The following RALGAPA2 variants were observed in gnomAD, a reference collection of about 807,000 sequenced individuals.
RALGAPA2 encodes ral GTPase-activating protein subunit alpha-2.
In RALGAPA2, 139 loss-of-function variants were observed where a neutral mutation model predicts 230.4. The observed-to-expected ratio is 0.60, with a 90% CI of 0.53 to 0.69. The LOEUF is 0.69. Ranked by LOEUF, RALGAPA2 falls within the 30% of genes least tolerant of loss-of-function variation. The pLI, the probability that RALGAPA2 is intolerant of heterozygous loss-of-function variation, is 0.00. For synonymous variants in RALGAPA2, 847 were observed against 837.8 expected (o/e 1.01, Z -0.19); for missense variants, 2,163 against 2,276.0 (o/e 0.95, Z 1.01).
Position 20,521,065 on chromosome 20 carries a change from G to A in RALGAPA2, c.3936C>T (p.Tyr1312=). The A allele has an allele frequency of 1.2e-6, 2 of 1,613,506 alleles. No homozygotes were observed. Among genetic ancestry groups the A allele is most frequent in the Non-Finnish European group, 1.7e-6 (2 of 1,179,548 alleles). ...LHCCVCGSST[Y]TQQSHYILTL... ...TCAGTATGTAGTGACTCTGTTGGGT[G>A]TACGTGCTTGAGCCACACACACAGC... The change falls in exon 31 of 40, where the codon TAC becomes TAT. Residue 1312 remains tyrosine, a synonymous_variant. Coordinates refer to ENST00000202677, the MANE Select transcript of RALGAPA2 (RefSeq NM_020343.4).
rs146347243 is a variant in RALGAPA2, at chr20:20,455,651, G to A, written c.5495+17178C>T. 1.8e-3 allele frequency among the ~76,000 whole-genome samples: 271 copies of A among 152,266 alleles called. 1 individual carries two copies. The highest frequency in any genetic ancestry group is 6.2e-3 in the African/African-American group (257 of 41,548). On this transcript the variant is annotated intron_variant, in intron 37 of 39. Coordinates refer to ENST00000202677, the MANE Select transcript of RALGAPA2 (RefSeq NM_020343.4). Reference sequence around the variant, plus strand: ...ACATCTTTAAGAATGTTCCTCCAGCGGCTGAGAGGTTCACCAGAGCCATCA... The same window carrying A: ...ACATCTTTAAGAATGTTCCTCCAGCAGCTGAGAGGTTCACCAGAGCCATCA...
rs543297561 is a variant in RALGAPA2, at chr20:20,708,686, C to T, written c.106+3689G>A. Among the ~76,000 whole-genome samples, 4 of 151,902 alleles carry T rather than the reference C, an allele frequency of 2.6e-5. No individual in the cohort carries two copies. In the South Asian group the frequency reaches 8.3e-4, roughly 32 times the overall value. Reference sequence around the variant, plus strand: ...AGAGTGAGAACAGACTACTACAAATCTCCTTAAAGATGCCCCTATTTTTAT... The same window carrying T: ...AGAGTGAGAACAGACTACTACAAATTTCCTTAAAGATGCCCCTATTTTTAT... On this transcript the variant is annotated intron_variant, in intron 1 of 39. Coordinates refer to ENST00000202677, the MANE Select transcript of RALGAPA2 (RefSeq NM_020343.4).
At chr20:20,621,491 T>C (rs1272089197) in intron 10 of RALGAPA2, among the ~76,000 whole-genome samples, 1 of 151,964 alleles carries the variant, frequency 6.6e-6, no homozygotes, top group Non-Finnish European at 1.5e-5. Flanking sequence ...TTTGCTTTTG[T>C]CCTTCTTCCT....
chr20:20,448,393 T>C (rs2060912788), intron 37 of RALGAPA2, among the ~76,000 whole-genome samples: 1 of 152,230 alleles, frequency 6.6e-6, no homozygotes, highest in South Asian at 2.1e-4. Flanking sequence ...AGTTAATAGA[T>C]GTGTTAAGTA....
intron 1 of RALGAPA2, among the ~76,000 whole-genome samples, chr20:20,711,381 A>G (rs2147062416): frequency 6.6e-6 from 1 of 152,360 alleles, no homozygotes; most frequent in South Asian, 2.1e-4. Flanking sequence ...AAGAAACATA[A>G]GGTGTTCTTT....
chr20:20,417,053 T>C (rs1481241613), intron 37 of RALGAPA2, among the ~76,000 whole-genome samples: 1 of 152,202 alleles, frequency 6.6e-6, no homozygotes, highest in Non-Finnish European at 1.5e-5. Flanking sequence ...CCCATGGCAG[T>C]GATCTGCAGA....
At chr20:20,609,767 A>G (rs774377677) in intron 14 of RALGAPA2, among the ~76,000 whole-genome samples, 16 of 152,234 alleles carry the variant, frequency 1.1e-4, no homozygotes, top group African/African-American at 2.2e-4. Flanking sequence ...CTGAGAAAGC[A>G]AAGTGTGCAG....
At chr20:20,636,607 G>A (rs989660390) in intron 8 of RALGAPA2, among the ~76,000 whole-genome samples, 16 of 151,914 alleles carry the variant, frequency 1.1e-4, no homozygotes, top group Non-Finnish European at 1.5e-4. Context: ...AACACACAGA[G>A]TACAGACAAC....
At chr20:20,535,691 C>G in intron 26 of RALGAPA2, 54 bp downstream of exon 26, 1 of 1,523,628 alleles carries the variant, frequency 6.6e-7, no homozygotes. Flanking sequence ...ACTACTTACA[C>G]ATAAATGTGT....
At position 20,712,587 on chromosome 20, in the gene RALGAPA2, C is replaced by A. The variant is rs1249468855; in HGVS notation, c.-107G>T. 90 of 1,242,738 alleles carry A rather than the reference C, an allele frequency of 7.2e-5. No individual in the cohort carries two copies. Among genetic ancestry groups the A allele is most frequent in the East Asian group, 2.4e-4 (7 of 28,762 alleles). 77.0% of individuals were successfully genotyped at this position (1,242,738 alleles called of 1,614,324 possible). ...CGCGTGTCGCGCGGGCCACTCGCCG[C>A]CCCCAGCCCCGCTGCTGCCGCCGCC... On this transcript the variant is annotated 5_prime_UTR_variant, in exon 1 of 40. Coordinates refer to ENST00000202677, the MANE Select transcript of RALGAPA2 (RefSeq NM_020343.4). The surrounding 1 kb of genome is among the most constrained non-coding windows in gnomAD (Gnocchi z 5.5).
chr20:20,481,455 A>C (rs2123470332), intron 36 of RALGAPA2, among the ~76,000 whole-genome samples: 1 of 152,292 alleles, frequency 6.6e-6, no homozygotes, highest in East Asian at 1.9e-4. Flanking sequence ...ATGACAAATG[A>C]AGAATGTGCG....
intron 30 of RALGAPA2, among the ~76,000 whole-genome samples, chr20:20,524,139 G>C (rs558884958): frequency 8.5e-4 from 130 of 152,222 alleles, no homozygotes; most frequent in African/African-American, 3.1e-3. Context: ...TGTACTTTTA[G>C]TAGAGATGGG....
chr20:20,434,903 T>A (rs2060576999), intron 37 of RALGAPA2, among the ~76,000 whole-genome samples: 2 of 152,208 alleles, frequency 1.3e-5, no homozygotes, highest in African/African-American at 4.8e-5. Flanking sequence ...ACCACTGCAC[T>A]CTAGCGTGGG....
intron 37 of RALGAPA2, among the ~76,000 whole-genome samples, chr20:20,452,885 G>A (rs2061020492): frequency 6.6e-6 from 1 of 152,200 alleles, no homozygotes; most frequent in East Asian, 1.9e-4. Context: ...GGTCCTGATG[G>A]AGAGGTGTTG....
At chr20:20,425,559 A>G (rs1328534615) in intron 37 of RALGAPA2, among the ~76,000 whole-genome samples, 1 of 152,244 alleles carries the variant, frequency 6.6e-6, no homozygotes, top group Admixed American at 6.5e-5. Context: ...TCAGATGTCA[A>G]GAAGAAACTC....
rs116739617 is a variant in RALGAPA2, at chr20:20,528,865, C to T, written c.3583-2503G>A. ...CCGCTACCCATGAAGCAGGCTGAGG[C>T]TGGGCTGGGGGTGGGGCCAAGGCCC... On this transcript the variant is annotated intron_variant, in intron 27 of 39. Coordinates refer to ENST00000202677, the MANE Select transcript of RALGAPA2 (RefSeq NM_020343.4). Among the ~76,000 whole-genome samples, 1,120 of 152,312 alleles carry T rather than the reference C, an allele frequency of 7.4e-3. 11 individuals carry two copies. The highest frequency in any genetic ancestry group is 0.026 in the African/African-American group (1,074 of 41,572).
intron 34 of RALGAPA2, 36 bp downstream of exon 34, chr20:20,505,375 C>G: frequency 1.3e-6 from 2 of 1,564,792 alleles, no homozygotes; most frequent in East Asian, 2.3e-5. Context: ...TTAAACAGTG[C>G]TGGTCAATAA....
chr20:20,444,590 C>T (rs1161847471), intron 37 of RALGAPA2, among the ~76,000 whole-genome samples: 2 of 152,204 alleles, frequency 1.3e-5, no homozygotes, highest in East Asian at 1.9e-4. Flanking sequence ...CACTCTCCCC[C>T]TTACTGGAAG....
chr20:20,432,937 G>T (rs191593824), intron 37 of RALGAPA2, among the ~76,000 whole-genome samples: 2 of 152,334 alleles, frequency 1.3e-5, no homozygotes, highest in East Asian at 3.9e-4. Context: ...CAGAGCCTCC[G>T]CTCCAGCTGT....
Sources: allele counts gnomAD v4.1 joint callset (sites outside exome capture counted in the v4.1 genomes callset), GRCh38; gene constraint gnomAD v4.1.1; non-coding constraint Gnocchi (gnomAD v3.1); transcripts MANE v1.5; gene names NCBI Gene and HGNC (gene_info 2026-07-23, HGNC 2026-07-21).